The following SLC30A8 variants were observed in gnomAD, a reference collection of about 807,000 sequenced individuals.
The protein encoded by SLC30A8 is solute carrier family 30 member 8.
SLC30A8 carries 27 observed loss-of-function variants against 36.9 expected under a neutral mutation model. The ratio of observed to expected loss-of-function variants is 0.73; its 90% confidence interval spans 0.54 to 1.01. SLC30A8 has a LOEUF of 1.01. Ranked by LOEUF, SLC30A8 falls within the 50% of genes least tolerant of loss-of-function variation. The pLI is 0.00. For missense variants in SLC30A8, 439 were observed against 452.0 expected (o/e 0.97, Z 0.26); for synonymous variants, 164 against 172.4 (o/e 0.95, Z 0.38).
chr8:117,110,690 CAGTG>C (rs1399643342), intron 2 of SLC30A8, among the ~76,000 whole-genome samples: 2 of 152,160 alleles, frequency 1.3e-5, no homozygotes, highest in East Asian at 3.9e-4. Context: ...AAGTGAGTGA[CAGTG>C]AGAACTGGTG....
intron 2 of SLC30A8, among the ~76,000 whole-genome samples, chr8:117,046,446 A>T (rs964575679): frequency 6.6e-5 from 10 of 152,262 alleles, no homozygotes; most frequent in African/African-American, 2.4e-4. Context: ...TATGGCAGAT[A>T]GAATATACCT....
intron 2 of SLC30A8, among the ~76,000 whole-genome samples, chr8:117,124,648 GAAAAA>G (rs35557733): frequency 9.0e-6 from 1 of 111,254 alleles, no homozygotes; most frequent in Non-Finnish European, 2.0e-5. Context: ...CTTGTATCCA[GAAAAA>G]AAAAAAAAAA....
At chr8:117,143,923 C>G (rs889891354) in intron 1 of SLC30A8, among the ~76,000 whole-genome samples, 32 of 152,210 alleles carry the variant, frequency 2.1e-4, no homozygotes, top group African/African-American at 7.7e-4. Flanking sequence ...TTGATTCTTG[C>G]TTTGGACTGG....
intron 1 of SLC30A8, among the ~76,000 whole-genome samples, chr8:116,960,385 T>G (rs890212971): frequency 6.6e-6 from 1 of 152,256 alleles, no homozygotes; most frequent in Admixed American, 6.5e-5. Flanking sequence ...TCTTGTTTGC[T>G]TAAACTGATG....
At chr8:117,101,250 T>C (rs1009947963) in intron 2 of SLC30A8, among the ~76,000 whole-genome samples, 1 of 152,194 alleles carries the variant, frequency 6.6e-6, no homozygotes, top group African/African-American at 2.4e-5. Flanking sequence ...CAGGGCCTTA[T>C]ATCTGAATTT....
chr8:117,010,684 G>C (rs1816314717), intron 1 of SLC30A8, among the ~76,000 whole-genome samples: 1 of 152,182 alleles, frequency 6.6e-6, no homozygotes, highest in Non-Finnish European at 1.5e-5. Context: ...AAGAAAAGAG[G>C]GTTCATTGGC....
intron 1 of SLC30A8, among the ~76,000 whole-genome samples, chr8:116,990,753 G>A (rs929855102): frequency 1.3e-4 from 20 of 152,186 alleles, no homozygotes; most frequent in African/African-American, 4.6e-4. Context: ...AATGCACCAT[G>A]ATAATGTAAG....
At chr8:117,017,085 G>A (rs577832257) in intron 1 of SLC30A8, among the ~76,000 whole-genome samples, 1 of 152,150 alleles carries the variant, frequency 6.6e-6, no homozygotes, top group South Asian at 2.1e-4. Flanking sequence ...CTGTGCCCCA[G>A]TTATTTAATT....
chr8:117,146,765 G>A, intron 1 of SLC30A8, 189 bp from the exon 2 acceptor site: 1 of 1,376,302 alleles, frequency 7.3e-7, no homozygotes, highest in East Asian at 2.6e-5. Flanking sequence ...TTTAGTAGTT[G>A]AAGTTTAGAA....
rs897770910 is a variant in SLC30A8 at position 117,174,933 on chromosome 8, T to A, written c.*2252T>A. On this transcript the variant is annotated 3_prime_UTR_variant, in exon 8 of 8. Coordinates refer to ENST00000456015, the MANE Select transcript of SLC30A8 (RefSeq NM_173851.3). ...AAGGATTTTGAGATGAAAAAACAGA[T>A]GCTACTCAGGGGCTTTATGAACCAT... The A allele has an allele frequency of 2.0e-5, 3 of 152,090 alleles. No homozygotes were observed. Among genetic ancestry groups the A allele is most frequent in the Non-Finnish European group, 4.4e-5 (3 of 67,996 alleles). The allele number at this position is 152,090 out of a possible 1,614,324, so 9.4% of individuals were successfully genotyped here.
chr8:116,994,889 T>C (rs1052677223), intron 1 of SLC30A8, among the ~76,000 whole-genome samples: 1 of 152,132 alleles, frequency 6.6e-6, no homozygotes, highest in Admixed American at 6.5e-5. Flanking sequence ...GGGCTCTTTT[T>C]AAATTAATTA....
intron 2 of SLC30A8, among the ~76,000 whole-genome samples, chr8:117,087,560 C>T (rs1419168261): frequency 6.6e-6 from 1 of 151,856 alleles, no homozygotes; most frequent in East Asian, 1.9e-4. Context: ...TCTATATTTT[C>T]CCTGTGTTAT....
At chr8:116,976,241 T>C (rs1204799803) in intron 1 of SLC30A8, among the ~76,000 whole-genome samples, 3 of 145,792 alleles carry the variant, frequency 2.1e-5, no homozygotes, top group African/African-American at 7.7e-5. Context: ...AAGTTCTCTC[T>C]CTTTTTTTTT....
At chr8:117,078,066 A>C (rs997217210) in intron 2 of SLC30A8, among the ~76,000 whole-genome samples, 1 of 152,208 alleles carries the variant, frequency 6.6e-6, no homozygotes, top group African/African-American at 2.4e-5. Flanking sequence ...TTTCTCTTAC[A>C]TTTTCCTTTT....
At chr8:117,047,667 C>T (rs1003757589) in intron 2 of SLC30A8, among the ~76,000 whole-genome samples, 3 of 152,012 alleles carry the variant, frequency 2.0e-5, no homozygotes, top group South Asian at 2.1e-4. Flanking sequence ...GGGGTCATTT[C>T]GTCAGAGGCG....
In SLC30A8 at chr8:117,149,289, G is replaced by A. The variant is rs115001483; in HGVS notation, c.271+2136G>A. Among the ~76,000 whole-genome samples, 418 of 152,264 alleles carry A rather than the reference G, an allele frequency of 2.7e-3. 2 individuals carry two copies. Among genetic ancestry groups the A allele is most frequent in the African/African-American group, 9.4e-3 (390 of 41,542 alleles). On this transcript the variant is annotated intron_variant, in intron 2 of 7. Coordinates refer to ENST00000456015, the MANE Select transcript of SLC30A8 (RefSeq NM_173851.3). ...AAGCTTTTTGATTCTTGTTTGAGGT[G>A]TGTTATGTTAAGAGAAACATGATAT...
At chr8:117,150,936 G>C (rs1044182439) in intron 2 of SLC30A8, among the ~76,000 whole-genome samples, 11 of 151,278 alleles carry the variant, frequency 7.3e-5, no homozygotes, top group African/African-American at 2.7e-4. Context: ...ATCTCAACAT[G>C]CCACAGCCTT....
chr8:117,126,137 C>T (rs774750709), intron 2 of SLC30A8, among the ~76,000 whole-genome samples: 3 of 151,832 alleles, frequency 2.0e-5, no homozygotes, highest in Non-Finnish European at 4.4e-5. Flanking sequence ...TGGCAAAAAA[C>T]GTCCAATCAA....
chr8:116,969,642 A>T (rs1814724910), intron 1 of SLC30A8, among the ~76,000 whole-genome samples: 1 of 152,208 alleles, frequency 6.6e-6, no homozygotes, highest in Non-Finnish European at 1.5e-5. Context: ...CCTAGGTTGT[A>T]TGGTATAGAC....
Sources: allele counts gnomAD v4.1 joint callset (sites outside exome capture counted in the v4.1 genomes callset), GRCh38; gene constraint gnomAD v4.1.1; transcripts MANE v1.5; gene names NCBI Gene and HGNC (gene_info 2026-07-23, HGNC 2026-07-21).